The following INTS7 variants were observed in gnomAD, a reference collection of about 807,000 sequenced individuals.
The protein encoded by INTS7 is chromosome 1 open reading frame 73.
A neutral mutation model predicts 109.2 loss-of-function variants in INTS7; 46 were observed. That is an observed-to-expected ratio of 0.42 (90% CI 0.33 to 0.54). The LOEUF is 0.54. INTS7 is among the 20% of genes least tolerant of loss of function. The pLI, the probability that INTS7 is intolerant of heterozygous loss-of-function variation, is 0.07. For synonymous variants in INTS7, 412 were observed against 402.9 expected (o/e 1.02, Z -0.27); for missense variants, 929 against 1,132.4 (o/e 0.82, Z 2.58).
intron 16 of INTS7, among the ~76,000 whole-genome samples, chr1:211,957,446 T>C (rs916963587): frequency 3.9e-5 from 6 of 152,050 alleles, no homozygotes; most frequent in African/African-American, 1.2e-4. Context: ...CTCGGGAGGC[T>C]GAGGCAGGAG....
intron 16 of INTS7, chr1:211,966,046 G>A (rs1333088434): frequency 1.3e-5 from 2 of 158,492 alleles, no homozygotes; most frequent in Non-Finnish European, 2.8e-5. Flanking sequence ...TAATTAATTA[G>A]TTATTGGGGG....
chr1:211,967,351 C>T (rs1475237535), intron 15 of INTS7, among the ~76,000 whole-genome samples: 3 of 148,970 alleles, frequency 2.0e-5, no homozygotes, highest in Non-Finnish European at 4.4e-5. Context: ...ACTAGGGAGG[C>T]TGGGGCAGGA....
chr1:211,946,987 C>T lies in INTS7; in HGVS notation c.2317-282G>A, dbSNP rs1003972071. Among the ~76,000 whole-genome samples, 40 of 152,130 alleles carry T rather than the reference C, an allele frequency of 2.6e-4. No homozygotes were observed. Among genetic ancestry groups the T allele is most frequent in the Admixed American group, 2.5e-3 (38 of 15,266 alleles). On this transcript the variant is annotated intron_variant, in intron 17 of 19. Transcript: ENST00000366994. The surrounding 1 kb of genome is among the most constrained non-coding windows in gnomAD (Gnocchi z 4.3). ...ATAGGCAAATTCCACATTTCTACAGCGCTCAGAACTATCAGTATATTATTA... is the reference window on the plus strand; with the variant it reads ...ATAGGCAAATTCCACATTTCTACAGTGCTCAGAACTATCAGTATATTATTA...
At position 211,981,113 on chromosome 1, in the gene INTS7, C is replaced by G; in HGVS notation, c.1210G>C (p.Gly404Arg). The G allele has an allele frequency of 6.2e-7, 1 of 1,612,210 alleles. No homozygotes were observed. The highest frequency in any genetic ancestry group is 8.5e-7 in the Non-Finnish European group (1 of 1,178,460). The change falls in exon 10 of 20, where the codon GGT (glycine) becomes CGT (arginine). Residue 404 changes from glycine to arginine, a missense_variant. Coordinates refer to ENST00000366994, the MANE Select transcript of INTS7 (RefSeq NM_015434.4). The stretch of plus-strand genomic sequence containing the variant: ...TTCACCTTTAAAGTGGCCTGAGCAC[C>G]TGGACTATCATCTTGACTACAAAGT... ...LVLCSQDDSP[G>R]AQATLKIALN...
At chr1:212,015,527 T>C (rs1666387946) in intron 4 of INTS7, among the ~76,000 whole-genome samples, 1 of 151,778 alleles carries the variant, frequency 6.6e-6, no homozygotes, top group Non-Finnish European at 1.5e-5. Flanking sequence ...TTAAGAGTCA[T>C]CACCACTCCC....
chr1:212,001,657 C>A (rs1665676406), intron 7 of INTS7, among the ~76,000 whole-genome samples: 1 of 152,144 alleles, frequency 6.6e-6, no homozygotes, highest in South Asian at 2.1e-4. Flanking sequence ...CTTTTACCCA[C>A]AATGTTGCAG....
At chr1:212,029,919 T>G (rs1056797126) in intron 1 of INTS7, among the ~76,000 whole-genome samples, 1 of 152,134 alleles carries the variant, frequency 6.6e-6, no homozygotes, top group Non-Finnish European at 1.5e-5. Context: ...TAGAAACAAG[T>G]AAAATGACAG....
chr1:211,952,242 A>C (rs1375716112), intron 17 of INTS7, among the ~76,000 whole-genome samples: 3 of 152,168 alleles, frequency 2.0e-5, no homozygotes, highest in Non-Finnish European at 4.4e-5. Flanking sequence ...AAAGCCCTCA[A>C]AGTGATTCTA....
intron 14 of INTS7, among the ~76,000 whole-genome samples, 154 bp downstream of exon 14, chr1:211,968,359 C>T (rs1338077613): frequency 6.6e-6 from 1 of 152,202 alleles, no homozygotes; most frequent in Non-Finnish European, 1.5e-5. Context: ...TCTAATAACA[C>T]ATCAGCCTAT....
chr1:211,967,501 T>A (rs936897055), intron 15 of INTS7, among the ~76,000 whole-genome samples: 4 of 145,766 alleles, frequency 2.7e-5, no homozygotes, highest in African/African-American at 1.0e-4. Flanking sequence ...GAAGAGATCA[T>A]TAATAAAGGT....
chr1:211,984,764 C>A (rs1433671649), intron 8 of INTS7, among the ~76,000 whole-genome samples: 1 of 152,082 alleles, frequency 6.6e-6, no homozygotes, highest in Non-Finnish European at 1.5e-5. Context: ...AATTTACAAG[C>A]ACATTTATTC....
chr1:211,970,840 C>A (rs947322123), intron 13 of INTS7, among the ~76,000 whole-genome samples: 3 of 152,168 alleles, frequency 2.0e-5, no homozygotes, highest in Non-Finnish European at 2.9e-5. Context: ...TGGGAAAAAA[C>A]TGGTATTAGC....
chr1:212,005,190 G>T (rs950224404), intron 7 of INTS7, among the ~76,000 whole-genome samples: 11 of 152,116 alleles, frequency 7.2e-5, no homozygotes, highest in Non-Finnish European at 1.5e-5. Flanking sequence ...AATTAAAGGG[G>T]AAAGACATGG....
chr1:211,975,218 G>GA lies in INTS7; in HGVS notation c.1762dup (p.Ser588PhefsTer5). 6.2e-7 allele frequency: 1 copy of GA among 1,613,832 alleles called. No individual in the cohort carries two copies. On this transcript the variant is annotated frameshift_variant, in exon 13 of 20. Coordinates refer to ENST00000366994, the MANE Select transcript of INTS7 (RefSeq NM_015434.4). LOFTEE classifies it high-confidence loss of function. ...GAATTTTAAAGATTCAGCAATGCAA[G>GA]AAAGTGCTGAACTATAATTTTCCTC...
intron 4 of INTS7, among the ~76,000 whole-genome samples, 166 bp downstream of exon 4, chr1:212,016,720 T>A (rs1405201542): frequency 2.6e-5 from 4 of 152,246 alleles, no homozygotes; most frequent in Admixed American, 2.0e-4. Flanking sequence ...ATTTTATGAA[T>A]TTAAGTCTTG....
In INTS7 at chr1:211,981,131, T is replaced by G; in HGVS notation, c.1192A>C (p.Ser398Arg). The G allele has an allele frequency of 3.1e-6, 5 of 1,613,608 alleles. No individual in the cohort carries two copies. The highest frequency in any genetic ancestry group is 4.2e-6 in the Non-Finnish European group (5 of 1,179,626). Residue 398 changes from serine to arginine, a missense_variant, in exon 10 of 20, where the codon AGT becomes CGT. This residue lies in a region of INTS7 where 787 missense variants were observed against 901.1 expected (regional missense o/e 0.87). Coordinates refer to ENST00000366994, the MANE Select transcript of INTS7 (RefSeq NM_015434.4). The part of the protein sequence containing the change: ...FGLESLLVLC[S>R]QDDSPGAQAT... The stretch of plus-strand genomic sequence containing the variant: ...TGAGCACCTGGACTATCATCTTGAC[T>G]ACAAAGTACCAGTAGGGATTCCAGG...
intron 10 of INTS7, among the ~76,000 whole-genome samples, chr1:211,979,499 T>C (rs1020209987): frequency 6.6e-6 from 1 of 152,170 alleles, no homozygotes; most frequent in Non-Finnish European, 1.5e-5. Context: ...TATATATAAG[T>C]CTTCAACAAA....
intron 5 of INTS7, among the ~76,000 whole-genome samples, chr1:212,010,155 G>A (rs2970599): frequency 0.55 from 83,000 of 152,002 alleles, 22,979 homozygotes; most frequent in Middle Eastern, 0.59. Context: ...CGAACATAAT[G>A]GTATTACCTA....
intron 1 of INTS7, among the ~76,000 whole-genome samples, chr1:212,029,946 A>T (rs1357915183): frequency 1.3e-5 from 2 of 152,264 alleles, no homozygotes; most frequent in African/African-American, 4.8e-5. Flanking sequence ...CTAATGATGC[A>T]TTAATAAGGC....
Sources: gnomAD v4.1 joint callset for allele counts (sites outside exome capture counted in the v4.1 genomes callset) on GRCh38, gnomAD v4.1.1 for gene constraint, gnomAD v4.1.1 regional missense constraint, Gnocchi (gnomAD v3.1) non-coding constraint, MANE v1.5 for transcripts, NCBI Gene and HGNC (gene_info 2026-07-23, HGNC 2026-07-21) for gene names.